Variants in ZFR observed in about 807,000 individuals in gnomAD.
ZFR encodes zinc finger RNA-binding protein.
ZFR carries 19 observed loss-of-function variants against 130.7 expected under a neutral mutation model. That is an observed-to-expected ratio of 0.15 (90% CI 0.10 to 0.21). The LOEUF is 0.21. ZFR is among the 10% of genes least tolerant of loss of function. The probability of loss-of-function intolerance (pLI) is 1.00; values close to 1 mark genes in which losing one functional copy is unlikely to be tolerated. For synonymous variants in ZFR, 466 were observed against 456.9 expected (o/e 1.02, Z -0.25); for missense variants, 872 against 1,321.5 (o/e 0.66, Z 5.27).
At chr5:32,364,327 A>C in intron 17 of ZFR, 52 bp from the exon 18 acceptor site, 1 of 1,420,964 alleles carries the variant, frequency 7.0e-7, no homozygotes, top group Non-Finnish European at 9.6e-7. Flanking sequence ...GGAATTACTC[A>C]TTTTCAAACT....
In ZFR at chr5:32,407,018, G is replaced by A. The variant is rs775761310; in HGVS notation, c.788C>T (p.Thr263Met). 27 of 1,485,544 alleles carry A rather than the reference G, an allele frequency of 1.8e-5. No homozygotes were observed. The highest frequency in any genetic ancestry group is 2.4e-5 in the East Asian group (1 of 40,976). 92.0% of individuals were successfully genotyped at this position (1,485,544 alleles called of 1,614,324 possible). The part of the protein sequence containing the change: ...YSTTAVTYSG[T>M]SYSGYEAAVY... Reference sequence around the variant, plus strand: ...TGCTGCTTCATAACCTGAATAAGACGTACCTTACAAATAAAAATCAAACAA... The same window carrying A: ...TGCTGCTTCATAACCTGAATAAGACATACCTTACAAATAAAAATCAAACAA... Residue 263 changes from threonine (T) to methionine (M), a missense_variant, in exon 6 of 20, where the codon ACG (threonine) becomes ATG (methionine). Physicochemically the swap from Thr to Met is moderately conservative, Grantham distance 81. This residue lies in a region of ZFR where 240 missense variants were observed against 441.2 expected (regional missense o/e 0.54). Coordinates refer to ENST00000265069, the MANE Select transcript of ZFR (RefSeq NM_016107.5).
chr5:32,376,895 C>T (rs1752825567), intron 17 of ZFR, among the ~76,000 whole-genome samples: 1 of 150,440 alleles, frequency 6.6e-6, no homozygotes, highest in Admixed American at 6.6e-5. Flanking sequence ...AGGAGAATCG[C>T]TTGAACCCGG....
intron 2 of ZFR, among the ~76,000 whole-genome samples, chr5:32,430,029 G>A (rs1754167354): frequency 1.3e-5 from 2 of 148,428 alleles, no homozygotes. Flanking sequence ...CCGCAATCCT[G>A]GGTGATGTTG....
At chr5:32,443,611 A>G (rs570663107) in intron 2 of ZFR, among the ~76,000 whole-genome samples, 6 of 152,394 alleles carry the variant, frequency 3.9e-5, no homozygotes, top group African/African-American at 1.4e-4. Context: ...AAGGAACCCG[A>G]TGAACACAGT....
intron 5 of ZFR, among the ~76,000 whole-genome samples, chr5:32,413,049 C>T (rs1349206905): frequency 6.6e-6 from 1 of 151,932 alleles, no homozygotes; most frequent in Non-Finnish European, 1.5e-5. Context: ...ATTAGCCAGG[C>T]GTGGTGGCGC....
At chr5:32,393,866 T>C (rs190834622) in intron 11 of ZFR, among the ~76,000 whole-genome samples, 8 of 152,228 alleles carry the variant, frequency 5.3e-5, no homozygotes, top group Non-Finnish European at 7.4e-5. Flanking sequence ...ATCGCCTCAA[T>C]AGGTTCACAT....
chr5:32,397,849 C>CTT (rs70961626), intron 9 of ZFR, among the ~76,000 whole-genome samples: 13,670 of 66,840 alleles, frequency 0.2, 4,640 homozygotes, highest in Non-Finnish European at 0.25. Flanking sequence ...GCTCTTGTAT[C>CTT]TTTTTTTTTT....
chr5:32,395,084 TCA>T, intron 11 of ZFR, 73 bp downstream of exon 11: 2 of 1,452,066 alleles, frequency 1.4e-6, no homozygotes, highest in Non-Finnish European at 1.8e-6. Flanking sequence ...TGAATGGGAG[TCA>T]CATGCTCAGA....
At chr5:32,439,263 C>T (rs4867442) in intron 2 of ZFR, among the ~76,000 whole-genome samples, 15,966 of 152,222 alleles carry the variant, frequency 0.1, 909 homozygotes, top group Non-Finnish European at 0.11. Flanking sequence ...CAGTAAATTT[C>T]CATCACCAAG....
At chr5:32,422,889 A>G (rs1243948297) in intron 2 of ZFR, among the ~76,000 whole-genome samples, 1 of 151,784 alleles carries the variant, frequency 6.6e-6, no homozygotes, top group Non-Finnish European at 1.5e-5. Flanking sequence ...GAGAAACAGG[A>G]AAAGAAAGCA....
chr5:32,379,017 A>G (rs1752884529), intron 17 of ZFR, 98 bp downstream of exon 17: 1 of 863,810 alleles, frequency 1.2e-6, no homozygotes, highest in African/African-American at 1.7e-5. Flanking sequence ...TATTTAGTAA[A>G]TGCAAATAAG....
chr5:32,373,026 C>T (rs1449854588), intron 17 of ZFR, among the ~76,000 whole-genome samples: 5 of 152,262 alleles, frequency 3.3e-5, no homozygotes, highest in African/African-American at 1.2e-4. Flanking sequence ...CTACATTTTT[C>T]GAATCACGAT....
rs70961626 is a variant in ZFR, at chr5:32,397,849, C to CTTTTTTTTTTT, written c.1714-522_1714-512dup. 1.5e-3 allele frequency among the ~76,000 whole-genome samples: 101 copies of CTTTTTTTTTTT among 66,880 alleles called. 17 individuals are homozygous for CTTTTTTTTTTT. Among genetic ancestry groups the CTTTTTTTTTTT allele is most frequent in the African/African-American group, 5.7e-3 (91 of 15,912 alleles). The allele number at this position is 66,880 out of a possible 152,430, so 43.9% of individuals were successfully genotyped here. A position where few individuals can be genotyped will look rare whatever the true frequency, so the allele number is the denominator to read the frequency against. On this transcript the variant is annotated intron_variant, in intron 9 of 19. Coordinates refer to ENST00000265069, the MANE Select transcript of ZFR (RefSeq NM_016107.5). Reference sequence around the variant, plus strand: ...TGATAGCATGTGTTTGCTCTTGTATCTTTTTTTTTTTTTTTTTTTTTTTTT... The same window carrying CTTTTTTTTTTT: ...TGATAGCATGTGTTTGCTCTTGTATCTTTTTTTTTTTTTTTTTTTTTTTTTTTTTTTTTTTT...
intron 8 of ZFR, among the ~76,000 whole-genome samples, chr5:32,402,473 G>GA (rs142457108): frequency 2.0e-5 from 3 of 152,134 alleles, no homozygotes; most frequent in South Asian, 4.1e-4. Context: ...CAGACGTAGA[G>GA]AAAAAATCAG....
intron 2 of ZFR, among the ~76,000 whole-genome samples, chr5:32,429,922 G>C (rs1228205285): frequency 6.6e-6 from 1 of 151,326 alleles, no homozygotes; most frequent in African/African-American, 2.4e-5. Context: ...ATTTTTTTTT[G>C]TTTTAATTAG....
chr5:32,378,659 G>T (rs1752876466), intron 17 of ZFR, among the ~76,000 whole-genome samples: 1 of 151,788 alleles, frequency 6.6e-6, no homozygotes, highest in Non-Finnish European at 1.5e-5. Context: ...GAAGGCTTTT[G>T]GTTATTTTGT....
At chr5:32,372,112 G>A (rs1036744914) in intron 17 of ZFR, among the ~76,000 whole-genome samples, 1 of 152,160 alleles carries the variant, frequency 6.6e-6, no homozygotes, top group Admixed American at 6.5e-5. Flanking sequence ...ACAGGAGAGT[G>A]TAGCCTACAT....
chr5:32,383,622 T>C (rs1476574590), intron 15 of ZFR: 7 of 352,716 alleles, frequency 2.0e-5, no homozygotes, highest in South Asian at 1.3e-4. Flanking sequence ...AATGCGCAAG[T>C]AGTAACTCTC....
chr5:32,378,279 A>C (rs111526567), intron 17 of ZFR, among the ~76,000 whole-genome samples: 2,861 of 152,342 alleles, frequency 0.019, 85 homozygotes, highest in African/African-American at 0.066. Flanking sequence ...AGTTAAATAA[A>C]ATACGGCATG....
Sources: allele counts gnomAD v4.1 joint callset (sites outside exome capture counted in the v4.1 genomes callset), GRCh38; gene constraint gnomAD v4.1.1; regional missense constraint gnomAD v4.1.1; transcripts MANE v1.5; gene names NCBI Gene and HGNC (gene_info 2026-07-23, HGNC 2026-07-21).